Variants in CAB39L observed in about 807,000 individuals in gnomAD.
The protein encoded by CAB39L is calcium binding protein 39 like.
Under a neutral mutation model 39.1 loss-of-function variants are expected in CAB39L, and 23 were observed. That is an observed-to-expected ratio of 0.59 (90% confidence interval 0.42 to 0.83). The LOEUF (loss-of-function observed/expected upper bound fraction) is 0.83, where lower values mean the gene tolerates loss of function less well. CAB39L is among the 40% of genes least tolerant of loss of function. CAB39L has a pLI of 0.00. For missense variants in CAB39L, 366 were observed against 391.9 expected (o/e 0.93, Z 0.56); for synonymous variants, 126 against 137.2 (o/e 0.92, Z 0.57).
At chr13:49,398,909 T>A (rs568544694) in intron 3 of CAB39L, among the ~76,000 whole-genome samples, 4 of 152,124 alleles carry the variant, frequency 2.6e-5, no homozygotes, top group Admixed American at 6.6e-5. Flanking sequence ...GTAAATTGCC[T>A]CCCCTCAGCA....
chr13:49,398,991 T>A (rs1956704185), intron 3 of CAB39L, among the ~76,000 whole-genome samples: 1 of 152,140 alleles, frequency 6.6e-6, no homozygotes, highest in South Asian at 2.1e-4. Context: ...GAGTTAGACC[T>A]ATTCTATCTT....
chr13:49,405,190 A>G (rs1341163241), intron 3 of CAB39L, among the ~76,000 whole-genome samples: 2 of 152,202 alleles, frequency 1.3e-5, no homozygotes, highest in Non-Finnish European at 2.9e-5. Flanking sequence ...AGAGAAAAGA[A>G]AAGAATAACA....
intron 9 of CAB39L, among the ~76,000 whole-genome samples, chr13:49,335,292 T>A (rs1489902235): frequency 6.6e-6 from 1 of 152,194 alleles, no homozygotes; most frequent in Non-Finnish European, 1.5e-5. Context: ...TTTGTTGAAG[T>A]TATATTTATG....
chr13:49,423,364 T>G (rs922360441), intron 3 of CAB39L, among the ~76,000 whole-genome samples: 3 of 152,186 alleles, frequency 2.0e-5, no homozygotes, highest in African/African-American at 7.2e-5. Context: ...AAAGGTCAGC[T>G]ACTGGAAGCC....
At chr13:49,313,050 ATAATT>A (rs1026455981) in intron 10 of CAB39L, among the ~76,000 whole-genome samples, 4 of 152,208 alleles carry the variant, frequency 2.6e-5, no homozygotes, top group African/African-American at 9.7e-5. Context: ...ATTTTTAAAC[ATAATT>A]TATTTTTTGA....
chr13:49,334,870 C>T (rs944026207), intron 9 of CAB39L, among the ~76,000 whole-genome samples: 2 of 152,198 alleles, frequency 1.3e-5, no homozygotes, highest in African/African-American at 4.8e-5. Flanking sequence ...GAGGACCTGA[C>T]TACCATTTCT....
At chr13:49,442,799 A>AAAAAAC (rs1566146139) in intron 1 of CAB39L, among the ~76,000 whole-genome samples, 4 of 132,926 alleles carry the variant, frequency 3.0e-5, no homozygotes, top group African/African-American at 1.2e-4. Flanking sequence ...AAAAAAAAAA[A>AAAAAAC]AAAAAAAAAA....
At chr13:49,386,171 G>A (rs553792087) in intron 3 of CAB39L, among the ~76,000 whole-genome samples, 1 of 152,194 alleles carries the variant, frequency 6.6e-6, no homozygotes, top group East Asian at 1.9e-4. Context: ...ATTATAACAT[G>A]GTATCATAGA....
chr13:49,370,964 A>G (rs537030129), intron 5 of CAB39L, among the ~76,000 whole-genome samples: 1 of 152,136 alleles, frequency 6.6e-6, no homozygotes, highest in Admixed American at 6.5e-5. Context: ...TAAATTCTTT[A>G]ATTTGTCCAG....
intron 4 of CAB39L, among the ~76,000 whole-genome samples, chr13:49,379,997 A>G (rs1453456414): frequency 6.6e-6 from 1 of 151,970 alleles, no homozygotes; most frequent in African/African-American, 2.4e-5. Context: ...ACCCGCCACC[A>G]CGCCCGGCTA....
At position 49,377,034 on chromosome 13, in the gene CAB39L, G is replaced by A; in HGVS notation, c.209C>T (p.Ala70Val). Reference protein sequence around the residue: ...EPPTEAVAQLAQELYSSGLLV... With the variant: ...EPPTEAVAQLVQELYSSGLLV... Reference sequence around the variant, plus strand: ...CAGGCCACTGCTGTAGAGTTCTTGTGCTAGCTGAGCCACTGCTTCTGTTGG... The same window carrying A: ...CAGGCCACTGCTGTAGAGTTCTTGTACTAGCTGAGCCACTGCTTCTGTTGG... Residue 70 changes from alanine (A) to valine (V), a missense_variant, in exon 5 of 11, where the codon GCA becomes GTA. Physicochemically the swap from Ala to Val is moderately conservative, Grantham distance 64. Coordinates refer to ENST00000409308, the MANE Select transcript of CAB39L (RefSeq NM_001079670.3). The A allele has an allele frequency of 6.2e-7, 1 of 1,613,794 alleles. No individual in the cohort carries two copies. Among genetic ancestry groups the A allele is most frequent in the Non-Finnish European group, 8.5e-7 (1 of 1,179,720 alleles).
At chr13:49,422,529 T>C (rs913919264) in intron 3 of CAB39L, among the ~76,000 whole-genome samples, 17 of 152,268 alleles carry the variant, frequency 1.1e-4, no homozygotes, top group African/African-American at 4.1e-4. Flanking sequence ...GCTGAGATTG[T>C]GCCACTGCAC....
At chr13:49,356,779 CAG>C (rs769053530) in intron 6 of CAB39L, among the ~76,000 whole-genome samples, 5 of 152,220 alleles carry the variant, frequency 3.3e-5, no homozygotes, top group Non-Finnish European at 5.9e-5. Context: ...AAAATGGTAA[CAG>C]GGGCTGGGTG....
intron 3 of CAB39L, among the ~76,000 whole-genome samples, chr13:49,395,512 A>G (rs934457574): frequency 6.6e-6 from 1 of 152,118 alleles, no homozygotes; most frequent in Non-Finnish European, 1.5e-5. Context: ...GATTACAGGC[A>G]TGAGCCACCA....
intron 3 of CAB39L, among the ~76,000 whole-genome samples, chr13:49,406,472 A>G (rs1349551516): frequency 5.3e-5 from 8 of 150,782 alleles, no homozygotes; most frequent in Non-Finnish European, 7.4e-5. Flanking sequence ...GAGCCACTGC[A>G]CCCAGCCTGG....
chr13:49,343,082 T>G (rs952439621), intron 8 of CAB39L, among the ~76,000 whole-genome samples: 2 of 152,198 alleles, frequency 1.3e-5, no homozygotes, highest in Non-Finnish European at 2.9e-5. Flanking sequence ...AGGTAGAGCA[T>G]CTGAACCAAC....
At chr13:49,384,428 T>G (rs1233167734) in intron 3 of CAB39L, among the ~76,000 whole-genome samples, 1 of 152,202 alleles carries the variant, frequency 6.6e-6, no homozygotes, top group Non-Finnish European at 1.5e-5. Flanking sequence ...CAACTTCTTC[T>G]GAACTCCTGA....
intron 3 of CAB39L, among the ~76,000 whole-genome samples, chr13:49,390,262 T>A (rs7321193): frequency 0.54 from 82,530 of 151,602 alleles, 23,863 homozygotes; most frequent in African/African-American, 0.72. Flanking sequence ...TTAAAAAAAA[T>A]TTTAGAGACA....
At chr13:49,370,009 A>T (rs1955874192) in intron 5 of CAB39L, among the ~76,000 whole-genome samples, 1 of 152,230 alleles carries the variant, frequency 6.6e-6, no homozygotes, top group South Asian at 2.1e-4. Flanking sequence ...AATTATAGCC[A>T]GTGAAGTCAG....
Sources: gnomAD v4.1 joint callset for allele counts (sites outside exome capture counted in the v4.1 genomes callset) on GRCh38, gnomAD v4.1.1 for gene constraint, MANE v1.5 for transcripts, NCBI Gene and HGNC (gene_info 2026-07-23, HGNC 2026-07-21) for gene names.